LSAMP: variants seen among roughly 807,000 people sequenced by gnomAD.
LSAMP encodes the protein limbic system-associated membrane protein.
Under a neutral mutation model 38.6 loss-of-function variants are expected in LSAMP, and 7 were observed. The ratio of observed to expected loss-of-function variants is 0.18; its 90% CI spans 0.10 to 0.34. LSAMP has a LOEUF of 0.34. Ranked by LOEUF, LSAMP falls within the 10% of genes least tolerant of loss-of-function variation. LSAMP has a pLI of 1.00. For missense variants in LSAMP, 313 were observed against 420.0 expected, an observed-to-expected ratio of 0.75 and a Z score of 2.23; for synonymous variants, 154 against 166.8, an observed-to-expected ratio of 0.92 and a Z score of 0.59.
intron 2 of LSAMP, among the ~76,000 whole-genome samples, chr3:116,063,089 T>TTGTG (rs573311843): frequency 1.3e-4 from 20 of 151,262 alleles, no homozygotes; most frequent in South Asian, 2.1e-4. Context: ...TACATACATA[T>TTGTG]TGTGTGTGTG....
intron 1 of LSAMP, among the ~76,000 whole-genome samples, chr3:116,143,226 A>C (rs907649571): frequency 2.6e-5 from 4 of 151,798 alleles, no homozygotes; most frequent in African/African-American, 9.7e-5. Flanking sequence ...AAAAATGATT[A>C]AAAAAATTTT....
At chr3:116,248,891 TA>T (rs1480199238) in intron 1 of LSAMP, among the ~76,000 whole-genome samples, 1 of 152,094 alleles carries the variant, frequency 6.6e-6, no homozygotes, top group Non-Finnish European at 1.5e-5. Flanking sequence ...CTCACGCCTA[TA>T]ATCCCAGCAC....
intron 1 of LSAMP, among the ~76,000 whole-genome samples, chr3:116,143,588 T>C (rs1920367): frequency 0.18 from 26,964 of 151,840 alleles, 2,496 homozygotes; most frequent in Admixed American, 0.22. Flanking sequence ...AATGTATACA[T>C]CTACTATATA....
intron 1 of LSAMP, among the ~76,000 whole-genome samples, chr3:116,092,647 C>A (rs1708149303): frequency 6.6e-6 from 1 of 152,170 alleles, no homozygotes; most frequent in South Asian, 2.1e-4. Context: ...TGAATTTCTT[C>A]AAACACTTTA....
chr3:116,439,321 T>TG lies in LSAMP; in HGVS notation c.155+5555_155+5556insC, dbSNP rs1021146132. ...AGCATAGGTCCTGAGATTTTGTTGT[T>TG]TTTTTTTTTTAATGCAACTATGTGA... On this transcript the variant is annotated intron_variant, in intron 1 of 6. Transcript: ENST00000490035. 9.3e-5 allele frequency among the ~76,000 whole-genome samples: 14 copies of TG among 151,050 alleles called. 1 individual carries two copies. Among genetic ancestry groups the TG allele is most frequent in the African/African-American group, 2.7e-4 (11 of 41,238 alleles).
intron 1 of LSAMP, among the ~76,000 whole-genome samples, chr3:116,175,326 A>T (rs1018449055): frequency 1.3e-5 from 2 of 152,086 alleles, no homozygotes; most frequent in Non-Finnish European, 2.9e-5. Flanking sequence ...ATGTATAGTG[A>T]TCAGATCAAT....
Position 115,805,556 on chromosome 3 carries a change from A to G in LSAMP, c.*4761T>C, listed in dbSNP as rs1046872430. On this transcript the variant is annotated 3_prime_UTR_variant, in exon 7 of 7. Transcript: ENST00000490035. Reference sequence around the variant, plus strand: ...AGCACGCAGCATGTAAATGTGCTCAAAAGAAATCAAGGTTTAAAATAAGTT... The same window carrying G: ...AGCACGCAGCATGTAAATGTGCTCAGAAGAAATCAAGGTTTAAAATAAGTT... 1 of 152,200 alleles carries G rather than the reference A, an allele frequency of 6.6e-6. No individual in the cohort carries two copies. The highest frequency in any genetic ancestry group is 2.4e-5 in the African/African-American group (1 of 41,454). 9.4% of individuals were successfully genotyped at this position (152,200 alleles called of 1,614,324 possible).
chr3:116,113,660 T>C (rs971645127), intron 1 of LSAMP, among the ~76,000 whole-genome samples: 3 of 151,604 alleles, frequency 2.0e-5, no homozygotes, highest in Non-Finnish European at 2.9e-5. Context: ...CTCCTGGCCT[T>C]GTGATCCGCC....
chr3:116,148,643 A>C (rs1444360685), intron 1 of LSAMP, among the ~76,000 whole-genome samples: 1 of 151,994 alleles, frequency 6.6e-6, no homozygotes, highest in Non-Finnish European at 1.5e-5. Flanking sequence ...CAGTGAGTTA[A>C]TGACACCAGA....
intron 1 of LSAMP, among the ~76,000 whole-genome samples, chr3:116,405,578 A>G (rs1449864414): frequency 1.3e-5 from 2 of 152,092 alleles, no homozygotes; most frequent in South Asian, 4.1e-4. Flanking sequence ...CAAGAAAAAA[A>G]CATGTAAAAC....
At chr3:116,435,307 T>C (rs1301198367) in intron 1 of LSAMP, among the ~76,000 whole-genome samples, 1 of 152,120 alleles carries the variant, frequency 6.6e-6, no homozygotes, top group African/African-American at 2.4e-5. Context: ...GGACTCAAGT[T>C]CAAGTCAGCT....
chr3:116,226,468 C>T (rs1467209161), intron 1 of LSAMP, among the ~76,000 whole-genome samples: 1 of 152,200 alleles, frequency 6.6e-6, no homozygotes, highest in Non-Finnish European at 1.5e-5. Flanking sequence ...TCTGTTTTAT[C>T]ACCAGAAGCT....
intron 1 of LSAMP, among the ~76,000 whole-genome samples, chr3:116,118,527 G>A (rs890105731): frequency 6.6e-6 from 1 of 152,110 alleles, no homozygotes; most frequent in African/African-American, 2.4e-5. Context: ...TTTGTCTTTA[G>A]GAAAAACAAA....
At chr3:115,849,676 T>C (rs1039340189) in intron 4 of LSAMP, among the ~76,000 whole-genome samples, 3 of 152,194 alleles carry the variant, frequency 2.0e-5, no homozygotes, top group Admixed American at 2.0e-4. Flanking sequence ...GGGCATTTCT[T>C]TGCATGTAAG....
Position 116,207,852 on chromosome 3 carries a change from C to A in LSAMP, c.156-121296G>T, listed in dbSNP as rs1331630839. On this transcript the variant is annotated intron_variant, in intron 1 of 6. Transcript: ENST00000490035. ...TGCCCTTAACATTTTTTCATTTCAA[C>A]TTTGGTGAATCTGACAATTATGTGT... Among the ~76,000 whole-genome samples the A allele has an allele frequency of 1.3e-5, 2 of 151,936 alleles. 1 individual carries two copies. Among genetic ancestry groups the A allele is most frequent in the Admixed American group, 1.3e-4 (2 of 15,260 alleles).
At chr3:116,430,762 T>C (rs1445303047) in intron 1 of LSAMP, among the ~76,000 whole-genome samples, 1 of 152,000 alleles carries the variant, frequency 6.6e-6, no homozygotes, top group East Asian at 1.9e-4. Flanking sequence ...AGCTGGTAAT[T>C]GATAGGGGGA....
At chr3:116,107,796 C>A (rs1180856248) in intron 1 of LSAMP, among the ~76,000 whole-genome samples, 1 of 152,008 alleles carries the variant, frequency 6.6e-6, no homozygotes, top group East Asian at 1.9e-4. Flanking sequence ...AAAGAAAGCA[C>A]GTTTGAGCTG....
intron 1 of LSAMP, among the ~76,000 whole-genome samples, chr3:116,178,593 TG>T (rs1433658865): frequency 2.6e-5 from 4 of 152,112 alleles, no homozygotes; most frequent in African/African-American, 9.7e-5. Context: ...AAATATACTA[TG>T]AATGCTAAGA....
intron 1 of LSAMP, among the ~76,000 whole-genome samples, chr3:116,243,131 A>G (rs939089108): frequency 1.3e-5 from 2 of 152,198 alleles, no homozygotes; most frequent in African/African-American, 4.8e-5. Context: ...ACTTGAACCC[A>G]GGGGCAAATT....
Sources: gnomAD v4.1 joint callset for allele counts (sites outside exome capture counted in the v4.1 genomes callset) on GRCh38, gnomAD v4.1.1 for gene constraint, MANE v1.5 for transcripts, NCBI Gene and HGNC (gene_info 2026-07-23, HGNC 2026-07-21) for gene names.